ZNF723: variants seen among roughly 807,000 people sequenced by gnomAD.
The protein encoded by ZNF723 is zinc finger protein 723, pseudogene.
A neutral mutation model predicts 9.4 loss-of-function variants in ZNF723; 5 were observed. The ratio of observed to expected loss-of-function variants is 0.53; its 90% CI spans 0.28 to 1.12. The LOEUF (loss-of-function observed/expected upper bound fraction) is 1.12. Among genes scored for constraint, ZNF723 ranks in the 50% most tolerant of loss-of-function variants. The pLI is 0.10. For synonymous variants in ZNF723, 158 were observed against 168.8 expected (o/e 0.94, Z 0.49); for missense variants, 450 against 501.5 (o/e 0.90, Z 0.98).
chr19:22,842,220 G>T (rs1477106889), intron 1 of ZNF723, among the ~76,000 whole-genome samples: 1 of 152,138 alleles, frequency 6.6e-6, no homozygotes, highest in Non-Finnish European at 1.5e-5. Context: ...GGCCAGGCTG[G>T]TGTTGAACTC....
At chr19:22,832,484 C>A in intron 1 of ZNF723, 102 bp downstream of exon 1, 1 of 1,196,826 alleles carries the variant, frequency 8.4e-7, no homozygotes. Context: ...GTCAGCCCCA[C>A]AATCTGCGCT....
chr19:22,820,225 T>C, the ZNF723 span, among the ~76,000 whole-genome samples: 3 of 152,170 alleles, frequency 2.0e-5, no homozygotes, highest in African/African-American at 7.2e-5. Flanking sequence ...GTGACCCTTT[T>C]CTGCCTGCAC....
At chr19:22,839,991 A>G (rs1332089381) in intron 1 of ZNF723, among the ~76,000 whole-genome samples, 1 of 149,280 alleles carries the variant, frequency 6.7e-6, no homozygotes, top group East Asian at 2.0e-4. Flanking sequence ...AAATTTATTT[A>G]AGTATTTTAT....
At chr19:22,855,382 C>T (rs1277912810) in intron 3 of ZNF723, among the ~76,000 whole-genome samples, 1 of 151,974 alleles carries the variant, frequency 6.6e-6, no homozygotes, top group Non-Finnish European at 1.5e-5. Flanking sequence ...ACACACACCA[C>T]CACACATGTC....
At chr19:22,828,930 T>C (rs1406193687), upstream of ZNF723, among the ~76,000 whole-genome samples, 1 of 152,110 alleles carries the variant, frequency 6.6e-6, no homozygotes, top group African/African-American at 2.4e-5. Flanking sequence ...ACTAACACTT[T>C]GGGAGGCTGA....
At chr19:22,857,045 T>C in intron 3 of ZNF723, 73 bp from the exon 4 acceptor site, 1 of 609,908 alleles carries the variant, frequency 1.6e-6, no homozygotes, top group Non-Finnish European at 2.8e-6. Context: ...TATAATTTTA[T>C]AGCTTAGATT....
chr19:22,833,110 G>T (rs1967118337), intron 1 of ZNF723, among the ~76,000 whole-genome samples: 1 of 151,986 alleles, frequency 6.6e-6, no homozygotes, highest in African/African-American at 2.4e-5. Flanking sequence ...AATCCAGAGA[G>T]TAGATTTCCA....
chr19:22,832,864 G>C (rs1344122771), intron 1 of ZNF723, among the ~76,000 whole-genome samples: 1 of 152,184 alleles, frequency 6.6e-6, no homozygotes, highest in East Asian at 1.9e-4. Context: ...TGGTCCATTA[G>C]AGGGGCTTGA....
intron 1 of ZNF723, among the ~76,000 whole-genome samples, chr19:22,836,562 G>A (rs1010200023): frequency 4.6e-5 from 7 of 152,136 alleles, no homozygotes; most frequent in Admixed American, 3.9e-4. Flanking sequence ...CTAGATCACA[G>A]AATATTTTAT....
At chr19:22,816,404 T>C in the ZNF723 span, among the ~76,000 whole-genome samples, 1 of 152,204 alleles carries the variant, frequency 6.6e-6, no homozygotes, top group Middle Eastern at 3.2e-3. Context: ...AGGCATTGAC[T>C]TCACTAAAGG....
intron 1 of ZNF723, among the ~76,000 whole-genome samples, chr19:22,834,448 A>G (rs1251067614): frequency 2.0e-5 from 3 of 151,448 alleles, no homozygotes; most frequent in African/African-American, 7.3e-5. Flanking sequence ...TTTTTTGGAA[A>G]CTTTATGGGG....
chr19:22,846,123 A>G (rs183873964), intron 1 of ZNF723, among the ~76,000 whole-genome samples: 30 of 152,068 alleles, frequency 2.0e-4, no homozygotes, highest in Admixed American at 5.2e-4. Flanking sequence ...TTTATATGCC[A>G]TGGAGGATTC....
At chr19:22,833,029 C>G (rs450157) in intron 1 of ZNF723, among the ~76,000 whole-genome samples, 14,706 of 152,014 alleles carry the variant, frequency 0.097, 788 homozygotes, top group Middle Eastern at 0.16. Context: ...GACTGAATTT[C>G]GTTTCCTCTA....
At chr19:22,845,143 T>G (rs890284105) in intron 1 of ZNF723, among the ~76,000 whole-genome samples, 3 of 152,052 alleles carry the variant, frequency 2.0e-5, no homozygotes, top group African/African-American at 4.8e-5. Flanking sequence ...AACACTCATG[T>G]ACCCTTTGAA....
At position 22,858,536 on chromosome 19, in the gene ZNF723, GGC is replaced by G; in HGVS notation, c.*105_*106del. On this transcript the variant is annotated 3_prime_UTR_variant, in exon 4 of 4. Transcript: ENST00000600766. ...TAATCCCAGCACTTTGGGAGGCCGA[GGC>G]GGGCAGATCACCTGAGGTCAGGAGT... 1 of 564,804 alleles carries G rather than the reference GGC, an allele frequency of 1.8e-6. No homozygotes were observed. Among genetic ancestry groups the G allele is most frequent in the East Asian group, 2.8e-5 (1 of 35,202 alleles). The allele number at this position is 564,804 out of a possible 1,614,324, so 35.0% of individuals were successfully genotyped here.
At chr19:22,820,615 C>G in the ZNF723 span, among the ~76,000 whole-genome samples, 1 of 152,148 alleles carries the variant, frequency 6.6e-6, no homozygotes, top group Non-Finnish European at 1.5e-5. Flanking sequence ...GATATACTGT[C>G]TCTTCTAGCT....
upstream of ZNF723, among the ~76,000 whole-genome samples, chr19:22,827,399 C>A (rs567277104): frequency 8.9e-4 from 135 of 151,510 alleles, no homozygotes; most frequent in Non-Finnish European, 1.5e-3. Context: ...TCATGGGGAC[C>A]TTGGCTAAGA....
the ZNF723 span, among the ~76,000 whole-genome samples, chr19:22,814,138 T>C: frequency 1.3e-5 from 2 of 152,104 alleles, no homozygotes; most frequent in African/African-American, 4.8e-5. Context: ...ATGAAGCTCA[T>C]AGGAAGATGA....
upstream of ZNF723, among the ~76,000 whole-genome samples, chr19:22,830,429 A>G (rs1362197167): frequency 1.3e-5 from 2 of 152,146 alleles, no homozygotes; most frequent in Non-Finnish European, 2.9e-5. Flanking sequence ...CAGCCTCCCA[A>G]AGTGCTAGGA....
Sources: gnomAD v4.1 joint callset for allele counts (sites outside exome capture counted in the v4.1 genomes callset) on GRCh38, gnomAD v4.1.1 for gene constraint, MANE v1.5 for transcripts, NCBI Gene and HGNC (gene_info 2026-07-23, HGNC 2026-07-21) for gene names.